The following NAV2 variants were observed in gnomAD, a reference collection of about 807,000 sequenced individuals.
NAV2 encodes helicase, APC down-regulated 1.
Under a neutral mutation model 223.2 loss-of-function variants are expected in NAV2, and 54 were observed. The observed-to-expected ratio is 0.24, with a 90% CI of 0.19 to 0.30. The LOEUF is 0.30. NAV2 is among the 10% of genes least tolerant of loss of function. NAV2 has a pLI of 1.00. For missense variants in NAV2, 2,806 were observed against 3,147.5 expected (o/e 0.89, Z 2.60); for synonymous variants, 1,279 against 1,239.3 (o/e 1.03, Z -0.67).
At chr11:19,668,549 A>G (rs1297292287) in intron 1 of NAV2, among the ~76,000 whole-genome samples, 1 of 151,478 alleles carries the variant, frequency 6.6e-6, no homozygotes, top group African/African-American at 2.4e-5. Context: ...AAAAAAAAAA[A>G]AAAAAAAGTA....
chr11:20,091,076 G>C (rs988941860), intron 27 of NAV2, 58 bp downstream of exon 27: 7 of 1,582,266 alleles, frequency 4.4e-6, no homozygotes, highest in Non-Finnish European at 5.2e-6. Flanking sequence ...GCTCCCAGAG[G>C]CTGCTCTCCA....
intron 2 of NAV2, among the ~76,000 whole-genome samples, chr11:19,837,207 G>A (rs1228327524): frequency 1.3e-5 from 2 of 152,038 alleles, no homozygotes; most frequent in African/African-American, 4.8e-5. Flanking sequence ...CCACTAAATA[G>A]AATAGGAATC....
chr11:19,473,582 C>A (rs1434254886), intron 1 of NAV2, among the ~76,000 whole-genome samples: 3 of 152,080 alleles, frequency 2.0e-5, no homozygotes, highest in African/African-American at 4.8e-5. Context: ...AGTTTTTCAC[C>A]TTTCTGCCCA....
chr11:19,364,055 C>G (rs1237068477), intron 1 of NAV2, among the ~76,000 whole-genome samples: 1 of 152,184 alleles, frequency 6.6e-6, no homozygotes, highest in Non-Finnish European at 1.5e-5. Context: ...TCCAGCCCCT[C>G]TCCCCTCCCC....
intron 1 of NAV2, among the ~76,000 whole-genome samples, chr11:19,590,215 G>A (rs141436232): frequency 1.3e-5 from 2 of 152,290 alleles, no homozygotes; most frequent in East Asian, 3.9e-4. Flanking sequence ...ACGGTTCCTG[G>A]CACACACTAA....
chr11:19,640,480 A>G (rs1275734271), intron 1 of NAV2, among the ~76,000 whole-genome samples: 3 of 151,916 alleles, frequency 2.0e-5, no homozygotes, highest in Admixed American at 6.6e-5. Context: ...ATATACTACT[A>G]TATCTTATAG....
Position 19,892,465 on chromosome 11 carries a change from G to T in NAV2, c.802G>T (p.Ala268Ser). ...LPGPTARVSA[A>S]GSEAKTRGGS... ...AGGTCCTACCGCGAGGGTATCCGCT[G>T]CAGGCAGCGAGGCCAAAACACGCGG... The change falls in exon 6 of 38, where the codon GCA becomes TCA. Residue 268 changes from alanine to serine, a missense_variant. This residue lies in a region of NAV2 where 1,167 missense variants were observed against 1,180.5 expected (regional missense o/e 0.99). Transcript: ENST00000349880. 1 of 1,614,120 alleles carries T rather than the reference G, an allele frequency of 6.2e-7. No individual in the cohort carries two copies. Among genetic ancestry groups the T allele is most frequent in the Non-Finnish European group, 8.5e-7 (1 of 1,180,008 alleles).
chr11:19,807,686 G>A (rs768597139), intron 1 of NAV2, among the ~76,000 whole-genome samples: 3 of 152,158 alleles, frequency 2.0e-5, no homozygotes, highest in Non-Finnish European at 4.4e-5. Context: ...AGGCTCCCCA[G>A]TGACCCCACT....
At chr11:19,693,297 C>T (rs1270084128) in intron 1 of NAV2, among the ~76,000 whole-genome samples, 1 of 152,176 alleles carries the variant, frequency 6.6e-6, no homozygotes, top group African/African-American at 2.4e-5. Flanking sequence ...GTAACATAGA[C>T]TTTTCCCATT....
chr11:19,965,134 T>C (rs1053282425), intron 10 of NAV2, among the ~76,000 whole-genome samples: 9 of 152,092 alleles, frequency 5.9e-5, no homozygotes, highest in South Asian at 2.1e-4. Flanking sequence ...TTTTAATCTC[T>C]ATGTTCTAGG....
intron 1 of NAV2, among the ~76,000 whole-genome samples, chr11:19,398,761 A>G (rs1285993859): frequency 6.6e-6 from 1 of 152,060 alleles, no homozygotes; most frequent in Non-Finnish European, 1.5e-5. Flanking sequence ...GCATTCTGTT[A>G]ATCTCCTGCT....
chr11:19,884,182 G>C (rs180821662), intron 5 of NAV2: 149 of 726,184 alleles, frequency 2.1e-4, no homozygotes, highest in Admixed American at 8.1e-4. Flanking sequence ...TGGGCAGGGG[G>C]GGAAAGAAAC....
intron 11 of NAV2, chr11:20,022,858 T>A (rs1297524428): frequency 1.5e-6 from 2 of 1,323,166 alleles, no homozygotes; most frequent in Non-Finnish European, 1.9e-6. Flanking sequence ...GCTGACTTGA[T>A]ACCAGCACTG....
At chr11:19,642,635 A>T (rs1006497498) in intron 1 of NAV2, among the ~76,000 whole-genome samples, 54 of 152,096 alleles carry the variant, frequency 3.6e-4, no homozygotes, top group Non-Finnish European at 1.0e-4. Context: ...AGCAGCTTTG[A>T]TCTCTGTTGA....
intron 22 of NAV2, among the ~76,000 whole-genome samples, chr11:20,070,059 T>G (rs2059304271): frequency 6.6e-6 from 1 of 152,202 alleles, no homozygotes; most frequent in Non-Finnish European, 1.5e-5. Flanking sequence ...AATCTTTTAT[T>G]TTCTTTACCT....
intron 1 of NAV2, among the ~76,000 whole-genome samples, chr11:19,576,132 G>C (rs1376367289): frequency 6.6e-6 from 1 of 152,164 alleles, no homozygotes; most frequent in Admixed American, 6.5e-5. Flanking sequence ...TTTGTGGAAT[G>C]GGTCCTCCTC....
chr11:19,832,341 A>G (rs1001445391), intron 1 of NAV2, 143 bp from the exon 2 acceptor site: 6 of 689,216 alleles, frequency 8.7e-6, no homozygotes, highest in Non-Finnish European at 1.3e-5. Flanking sequence ...GATCAGCACA[A>G]TGCACTGAAT....
Position 20,092,334 on chromosome 11 carries a change from GCA to G in NAV2, c.5784_5785del (p.His1928GlnfsTer6). ...CGAGGCAGTCCATGGGCCTCTCCCA[GCA>G]CAGCTTGAACCTCACTGAGTCAACC... ...SPRQSMGLSQ[H>X]SLNLTESTSL... On this transcript the variant is annotated frameshift_variant, in exon 28 of 38. Coordinates refer to ENST00000349880, the MANE Select transcript of NAV2 (RefSeq NM_145117.5). LOFTEE classifies it high-confidence loss of function. 6.2e-7 allele frequency: 1 copy of G among 1,614,130 alleles called. No homozygotes were observed. The highest frequency in any genetic ancestry group is 2.2e-5 in the East Asian group (1 of 44,878).
chr11:19,709,090 T>A (rs2049771749), upstream of NAV2, among the ~76,000 whole-genome samples: 1 of 152,080 alleles, frequency 6.6e-6, no homozygotes, highest in Non-Finnish European at 1.5e-5. Flanking sequence ...TTATAGGCCG[T>A]TTTTATAATT....
Sources: allele counts gnomAD v4.1 joint callset (sites outside exome capture counted in the v4.1 genomes callset), GRCh38; gene constraint gnomAD v4.1.1; regional missense constraint gnomAD v4.1.1; transcripts MANE v1.5; gene names NCBI Gene and HGNC (gene_info 2026-07-23, HGNC 2026-07-21).